The following STARD13 variants were observed in gnomAD, a reference collection of about 807,000 sequenced individuals.
The protein encoded by STARD13 is stAR-related lipid transfer protein 13.
A neutral mutation model predicts 106.4 loss-of-function variants in STARD13; 62 were observed. That is an observed-to-expected ratio of 0.58 (90% CI 0.48 to 0.72). The LOEUF (loss-of-function observed/expected upper bound fraction) is 0.72. STARD13 is among the 30% of genes least tolerant of loss of function. STARD13 has a pLI of 0.00. For missense variants in STARD13, 1,387 were observed against 1,424.0 expected (o/e 0.97, Z 0.42); for synonymous variants, 565 against 553.0 (o/e 1.02, Z -0.31).
chr13:33,398,927 C>A, the STARD13 span, among the ~76,000 whole-genome samples: 5 of 152,120 alleles, frequency 3.3e-5, no homozygotes, highest in African/African-American at 4.8e-5. Context: ...AACATATATC[C>A]ATACAAAGGC....
chr13:33,670,571 C>T, the STARD13 span, among the ~76,000 whole-genome samples: 1 of 152,164 alleles, frequency 6.6e-6, no homozygotes, highest in Non-Finnish European at 1.5e-5. Context: ...GCTCATTATT[C>T]CAACCTGTTA....
the STARD13 span, among the ~76,000 whole-genome samples, chr13:33,508,668 T>A: frequency 0.52 from 79,041 of 151,700 alleles, 21,791 homozygotes; most frequent in African/African-American, 0.72. Flanking sequence ...GCCCCATTCC[T>A]GGGAAAAAGG....
In STARD13 at chr13:33,142,372, G is replaced by A. The variant is rs760391726; in HGVS notation, c.325C>T (p.Arg109Ter). 2.7e-5 allele frequency: 43 copies of A among 1,613,044 alleles called. No homozygotes were observed. The highest frequency in any genetic ancestry group is 6.6e-5 in the South Asian group (6 of 91,044). The change falls in exon 4 of 14, where the codon CGA becomes TGA. Residue 109 changes from arginine to a stop codon, truncating the protein, a stop_gained and splice_region_variant. Coordinates refer to ENST00000336934, the MANE Select transcript of STARD13 (RefSeq NM_178006.4). LOFTEE classifies it high-confidence loss of function. ...EKDLVEPLCRRLNTLNKCASM... is the reference protein window; with the variant it reads ...EKDLVEPLCR ...GCACACTTGTTCAACGTATTTAGTC[G>A]TCTAAAAGGAAAGAAAAATGTGATG...
intron 1 of STARD13, among the ~76,000 whole-genome samples, chr13:33,179,506 G>C (rs143851656): frequency 6.6e-6 from 1 of 152,218 alleles, no homozygotes; most frequent in African/African-American, 2.4e-5. Flanking sequence ...CTGATGGATG[G>C]TCTCTGCTTC....
At chr13:33,574,853 A>G in the STARD13 span, among the ~76,000 whole-genome samples, 1 of 151,846 alleles carries the variant, frequency 6.6e-6, no homozygotes. Context: ...CTTAAATAGC[A>G]TAATTTGTTG....
At chr13:33,122,107 A>G (rs1392445116) in intron 7 of STARD13, among the ~76,000 whole-genome samples, 1 of 152,078 alleles carries the variant, frequency 6.6e-6, no homozygotes, top group Non-Finnish European at 1.5e-5. Flanking sequence ...CGGCCTCCCA[A>G]AGTACTGGGA....
chr13:33,338,884 C>CAAAAAAA (rs748411311), intron 1 of STARD13, among the ~76,000 whole-genome samples: 2 of 120,240 alleles, frequency 1.7e-5, no homozygotes, highest in Non-Finnish European at 3.3e-5. Context: ...GACTCCGTCT[C>CAAAAAAA]AAAAAAAAAA....
the STARD13 span, among the ~76,000 whole-genome samples, chr13:33,620,575 G>A: frequency 6.6e-6 from 1 of 151,932 alleles, no homozygotes; most frequent in Admixed American, 6.6e-5. Context: ...GGGCCACCAT[G>A]CCCGGCCAGA....
At chr13:33,352,211 T>C (rs969136724), upstream of STARD13, among the ~76,000 whole-genome samples, 5 of 152,184 alleles carry the variant, frequency 3.3e-5, no homozygotes, top group African/African-American at 1.2e-4. Flanking sequence ...CAAATACCCT[T>C]TTGATTCCAT....
At chr13:33,644,929 C>A in the STARD13 span, among the ~76,000 whole-genome samples, 2 of 152,146 alleles carry the variant, frequency 1.3e-5, no homozygotes, top group Non-Finnish European at 2.9e-5. Flanking sequence ...ACCTTCAAGT[C>A]AGAAATAGTA....
chr13:33,128,188 T>C (rs887685535), intron 5 of STARD13, among the ~76,000 whole-genome samples: 5 of 142,986 alleles, frequency 3.5e-5, no homozygotes, highest in Non-Finnish European at 3.1e-5. Flanking sequence ...GAGAGAGAGA[T>C]ACAGACAGGG....
intron 1 of STARD13, among the ~76,000 whole-genome samples, chr13:33,230,712 C>G (rs1888874681): frequency 6.6e-6 from 1 of 152,228 alleles, no homozygotes; most frequent in Non-Finnish European, 1.5e-5. Context: ...ACACTGTTTA[C>G]TTAGTCCATT....
intron 7 of STARD13, among the ~76,000 whole-genome samples, chr13:33,121,806 A>T (rs973985904): frequency 7.9e-5 from 12 of 151,098 alleles, no homozygotes; most frequent in African/African-American, 2.7e-4. Flanking sequence ...CAGCCTCCCA[A>T]GTAGCTAGGA....
At chr13:33,114,148 C>T (rs948498752) in intron 8 of STARD13, among the ~76,000 whole-genome samples, 1 of 152,134 alleles carries the variant, frequency 6.6e-6, no homozygotes, top group African/African-American at 2.4e-5. Flanking sequence ...AGAGTACATC[C>T]AGTATATTTA....
rs545771799 is a variant in STARD13, at chr13:33,177,435, G to C, written c.170-9813C>G. ...TGCAACCAATCCTTTCATGACTAAA[G>C]TACCAGCAAATGGGCTCTATTGTAA... On this transcript the variant is annotated intron_variant, in intron 1 of 13. Coordinates refer to ENST00000336934, the MANE Select transcript of STARD13 (RefSeq NM_178006.4). Among the ~76,000 whole-genome samples, 21 of 152,208 alleles carry C rather than the reference G, an allele frequency of 1.4e-4. No homozygotes were observed. In the East Asian group the frequency reaches 4.1e-3, roughly 29 times the overall value.
the STARD13 span, among the ~76,000 whole-genome samples, chr13:33,597,441 G>A: frequency 1.3e-5 from 2 of 150,884 alleles, no homozygotes; most frequent in Admixed American, 1.3e-4. Context: ...TTACTCTAAT[G>A]TGTTTCTACA....
chr13:33,451,728 T>C, the STARD13 span, among the ~76,000 whole-genome samples: 2 of 151,898 alleles, frequency 1.3e-5, no homozygotes, highest in Admixed American at 6.6e-5. Context: ...ATACCGAGAA[T>C]AAGAGAGGTA....
chr13:33,500,798 A>G, the STARD13 span, among the ~76,000 whole-genome samples: 1 of 152,150 alleles, frequency 6.6e-6, no homozygotes, highest in South Asian at 2.1e-4. Context: ...GAAGTAAAGC[A>G]GTGAGATAGA....
At chr13:33,355,190 A>G (rs2078113579), upstream of STARD13, 3 of 152,176 alleles carry the variant, frequency 2.0e-5, no homozygotes, top group Admixed American at 2.0e-4. Flanking sequence ...AAGACCCATC[A>G]CCATTGCCTC....
Sources: gnomAD v4.1 joint callset for allele counts (sites outside exome capture counted in the v4.1 genomes callset) on GRCh38, gnomAD v4.1.1 for gene constraint, MANE v1.5 for transcripts, NCBI Gene and HGNC (gene_info 2026-07-23, HGNC 2026-07-21) for gene names.